VWA8: variants seen among roughly 807,000 people sequenced by gnomAD.
VWA8 encodes von Willebrand factor A domain containing 8.
VWA8 carries 221 observed loss-of-function variants against 241.5 expected under a neutral mutation model. The ratio of observed to expected loss-of-function variants is 0.91; its 90% CI spans 0.82 to 1.02. VWA8 has a LOEUF of 1.02. Among genes scored for constraint, VWA8 ranks in the 50% least tolerant of loss-of-function variants. VWA8 has a pLI of 0.00. For synonymous variants in VWA8, 852 were observed against 827.1 expected, an observed-to-expected ratio of 1.03 and a Z score of -0.52; for missense variants, 2,322 against 2,328.7, an observed-to-expected ratio of 1.00 and a Z score of 0.06.
At chr13:41,959,817 C>T (rs948800056) in intron 1 of VWA8, among the ~76,000 whole-genome samples, 3 of 151,674 alleles carry the variant, frequency 2.0e-5, no homozygotes, top group Admixed American at 6.6e-5. Flanking sequence ...ACCGTGTTAG[C>T]CAGGATGGTC....
chr13:41,908,995 C>T (rs1875862169), intron 3 of VWA8, among the ~76,000 whole-genome samples: 1 of 151,946 alleles, frequency 6.6e-6, no homozygotes, highest in Non-Finnish European at 1.5e-5. Flanking sequence ...TAATTTAGGT[C>T]TCCTTTAATG....
At chr13:41,820,157 T>C (rs1027849524) in intron 14 of VWA8, among the ~76,000 whole-genome samples, 1 of 152,184 alleles carries the variant, frequency 6.6e-6, no homozygotes. Context: ...TGGATAATAT[T>C]GTCCATTTTT....
chr13:41,802,116 TGAAG>T (rs762857793), intron 17 of VWA8, among the ~76,000 whole-genome samples: 14 of 152,206 alleles, frequency 9.2e-5, no homozygotes, highest in Non-Finnish European at 1.6e-4. Context: ...AAGGAGGCAC[TGAAG>T]GGAGTAGGAA....
At chr13:41,774,608 A>G (rs1593762963) in intron 20 of VWA8, among the ~76,000 whole-genome samples, 1 of 152,200 alleles carries the variant, frequency 6.6e-6, no homozygotes, top group South Asian at 2.1e-4. Flanking sequence ...CTAAATCCCA[A>G]AAGAAATCTG....
chr13:41,610,729 T>C (rs1427425162), intron 39 of VWA8, among the ~76,000 whole-genome samples: 1 of 152,240 alleles, frequency 6.6e-6, no homozygotes, highest in East Asian at 1.9e-4. Flanking sequence ...TTTCCCAAAC[T>C]ACTACCAGGT....
At chr13:41,668,698 G>C (rs1593685453) in intron 37 of VWA8, among the ~76,000 whole-genome samples, 1 of 152,224 alleles carries the variant, frequency 6.6e-6, no homozygotes, top group East Asian at 1.9e-4. Context: ...TTACCAAGCA[G>C]GGAAGAAGAG....
chr13:41,851,624 G>A (rs1872537258), intron 12 of VWA8, among the ~76,000 whole-genome samples: 1 of 152,064 alleles, frequency 6.6e-6, no homozygotes, highest in Admixed American at 6.6e-5. Context: ...TTGCTCCAGT[G>A]ATGTAAGAAG....
At chr13:41,717,497 G>A (rs965409105) in intron 26 of VWA8, among the ~76,000 whole-genome samples, 5 of 151,872 alleles carry the variant, frequency 3.3e-5, no homozygotes, top group Non-Finnish European at 5.9e-5. Flanking sequence ...CAGGTAGACA[G>A]GTGAACATAT....
chr13:41,949,874 T>C (rs554425114), intron 2 of VWA8, 62 bp downstream of exon 2: 19 of 1,049,972 alleles, frequency 1.8e-5, no homozygotes, highest in Non-Finnish European at 2.5e-5. Context: ...TAAATAACTT[T>C]GAAAATTCCT....
intron 40 of VWA8, among the ~76,000 whole-genome samples, chr13:41,596,788 T>TACACACACACAC (rs142774673): frequency 7.3e-5 from 10 of 136,930 alleles, no homozygotes; most frequent in South Asian, 2.5e-4. Flanking sequence ...AACCAGAAAG[T>TACACACACACAC]ACACACACAC....
At chr13:41,754,142 G>A (rs2045676392) in intron 21 of VWA8, among the ~76,000 whole-genome samples, 3 of 151,944 alleles carry the variant, frequency 2.0e-5, no homozygotes, top group African/African-American at 4.8e-5. Flanking sequence ...TGTAGGTACC[G>A]ATACTGTTTG....
chr13:41,951,792 A>T (rs1878151460), intron 1 of VWA8, among the ~76,000 whole-genome samples: 1 of 152,244 alleles, frequency 6.6e-6, no homozygotes, highest in Admixed American at 6.5e-5. Context: ...CCTTCTAAGT[A>T]TTTTTTGCAT....
chr13:41,669,609 T>A (rs941962770), intron 37 of VWA8, among the ~76,000 whole-genome samples: 1 of 152,218 alleles, frequency 6.6e-6, no homozygotes, highest in Non-Finnish European at 1.5e-5. Context: ...CTTTGTAAAG[T>A]TCTATCGTGA....
At chr13:41,634,102 G>A (rs543488917) in intron 37 of VWA8, among the ~76,000 whole-genome samples, 10 of 152,142 alleles carry the variant, frequency 6.6e-5, no homozygotes, top group African/African-American at 9.7e-5. Context: ...CATGGGTGCC[G>A]TGGCTTGGTC....
chr13:41,772,498 A>C (rs1472756050), intron 20 of VWA8, among the ~76,000 whole-genome samples: 2 of 152,326 alleles, frequency 1.3e-5, no homozygotes, highest in Admixed American at 1.3e-4. Context: ...TCCTAATAGT[A>C]ATGAAAGGTA....
intron 20 of VWA8, among the ~76,000 whole-genome samples, chr13:41,768,380 T>C (rs1342691166): frequency 2.6e-5 from 4 of 152,248 alleles, no homozygotes; most frequent in Admixed American, 1.3e-4. Flanking sequence ...AAAATATTCA[T>C]GGTGTCTCAA....
intron 12 of VWA8, among the ~76,000 whole-genome samples, chr13:41,835,387 T>A (rs1227445144): frequency 6.6e-6 from 1 of 152,220 alleles, no homozygotes; most frequent in Non-Finnish European, 1.5e-5. Flanking sequence ...TGACACATTG[T>A]CAAAATTTGT....
chr13:41,833,063 G>A (rs1451373533), intron 13 of VWA8, among the ~76,000 whole-genome samples: 1 of 152,104 alleles, frequency 6.6e-6, no homozygotes, highest in Non-Finnish European at 1.5e-5. Flanking sequence ...AATGTGACAT[G>A]CTGCATATAT....
chr13:41,943,284 C>A (rs2138154933), intron 2 of VWA8, among the ~76,000 whole-genome samples: 1 of 152,190 alleles, frequency 6.6e-6, no homozygotes, highest in Non-Finnish European at 1.5e-5. Flanking sequence ...AGAGAATTAT[C>A]ACTATAGATT....
Sources: allele counts gnomAD v4.1 joint callset (sites outside exome capture counted in the v4.1 genomes callset), GRCh38; gene constraint gnomAD v4.1.1; transcripts MANE v1.5; gene names NCBI Gene and HGNC (gene_info 2026-07-23, HGNC 2026-07-21).